The following UNC80 variants were observed in gnomAD, a reference collection of about 807,000 sequenced individuals.
UNC80 encodes the protein protein unc-80 homolog.
In UNC80, 164 loss-of-function variants were observed where a neutral mutation model predicts 384.6. The ratio of observed to expected loss-of-function variants is 0.43; its 90% CI spans 0.38 to 0.49. The LOEUF (loss-of-function observed/expected upper bound fraction) is 0.49, where lower values mean the gene tolerates loss of function less well. Among genes scored for constraint, UNC80 ranks in the 20% least tolerant of loss-of-function variants. The pLI is 0.00. For synonymous variants in UNC80, 1,486 were observed against 1,527.8 expected, an observed-to-expected ratio of 0.97 and a Z score of 0.64; for missense variants, 3,330 against 4,143.0, an observed-to-expected ratio of 0.80 and a Z score of 5.39.
rs554283552 is a variant in UNC80, at chr2:209,968,871, A to G, written c.8007-897A>G. On this transcript the variant is annotated intron_variant, in intron 52 of 64. Transcript: ENST00000673920. ...AGGCAATTTTCTCGGGAGATAGGCT[A>G]TGAATATGGAGTTGGCTTGGATTTA... 7.2e-5 allele frequency: 11 copies of G among 152,222 alleles called. No individual in the cohort carries two copies. The East Asian group carries it at 1.7e-3, about 24-fold the overall frequency. 9.4% of individuals were successfully genotyped at this position (152,222 alleles called of 1,614,324 possible).
At chr2:209,807,403 C>T (rs1441236065) in intron 7 of UNC80, among the ~76,000 whole-genome samples, 3 of 136,304 alleles carry the variant, frequency 2.2e-5, no homozygotes, top group East Asian at 2.2e-4. Context: ...CTTGCTGTGT[C>T]GCCCAGGCTG....
At chr2:209,780,283 G>T (rs2077084893) in intron 4 of UNC80, among the ~76,000 whole-genome samples, 1 of 152,032 alleles carries the variant, frequency 6.6e-6, no homozygotes, top group African/African-American at 2.4e-5. Flanking sequence ...ACTACACAGT[G>T]ATTGATATAA....
At chr2:209,930,454 C>T (rs2090767086) in intron 37 of UNC80, among the ~76,000 whole-genome samples, 1 of 152,118 alleles carries the variant, frequency 6.6e-6, no homozygotes, top group African/African-American at 2.4e-5. Flanking sequence ...GTCATATTCA[C>T]TGGAAGGTTA....
chr2:209,919,212 A>T (rs1488845627), intron 33 of UNC80, among the ~76,000 whole-genome samples: 1 of 152,186 alleles, frequency 6.6e-6, no homozygotes, highest in Non-Finnish European at 1.5e-5. Flanking sequence ...AAACAAGAAT[A>T]TGCACCTTTT....
At chr2:209,857,146 T>C (rs1031593581) in intron 22 of UNC80, among the ~76,000 whole-genome samples, 1 of 152,132 alleles carries the variant, frequency 6.6e-6, no homozygotes, top group Non-Finnish European at 1.5e-5. Flanking sequence ...TCTGTATTAA[T>C]AGTTAGAACT....
intron 16 of UNC80, among the ~76,000 whole-genome samples, 173 bp downstream of exon 16, chr2:209,831,764 T>G (rs1410703848): frequency 1.3e-5 from 2 of 152,202 alleles, no homozygotes; most frequent in Non-Finnish European, 2.9e-5. Flanking sequence ...TTAACAACAC[T>G]TTTCTTCTCC....
At chr2:209,979,674 C>A (rs1236728134) in intron 59 of UNC80, among the ~76,000 whole-genome samples, 2 of 152,164 alleles carry the variant, frequency 1.3e-5, no homozygotes, top group African/African-American at 2.4e-5. Flanking sequence ...GTGAAAGATT[C>A]CATTAAAATG....
chr2:209,949,498 A>G (rs550205430), intron 47 of UNC80, among the ~76,000 whole-genome samples: 152 of 148,756 alleles, frequency 1.0e-3, no homozygotes, highest in Non-Finnish European at 1.7e-3. Flanking sequence ...TATTTTTGAG[A>G]CAGAGTCTTG....
At chr2:209,818,817 G>A (rs2079931689) in intron 11 of UNC80, among the ~76,000 whole-genome samples, 176 bp from the exon 12 acceptor site, 1 of 152,094 alleles carries the variant, frequency 6.6e-6, no homozygotes, top group East Asian at 1.9e-4. Context: ...CACATCATAT[G>A]GCCTTAGTAG....
chr2:209,951,234 A>C (rs1290034902), intron 47 of UNC80, among the ~76,000 whole-genome samples: 1 of 152,120 alleles, frequency 6.6e-6, no homozygotes, highest in Non-Finnish European at 1.5e-5. Flanking sequence ...CTGACTTATC[A>C]TATCTGTTGA....
chr2:209,885,258 GTA>G (rs1464113317), intron 25 of UNC80, among the ~76,000 whole-genome samples: 2 of 152,044 alleles, frequency 1.3e-5, no homozygotes, highest in Non-Finnish European at 2.9e-5. Flanking sequence ...TAACTATACT[GTA>G]ACAGGAGAAC....
intron 62 of UNC80, among the ~76,000 whole-genome samples, chr2:209,992,542 C>A (rs886449043): frequency 6.6e-6 from 1 of 152,060 alleles, no homozygotes. Flanking sequence ...AACTTTAAAA[C>A]GTGGTAAGTA....
chr2:209,976,011 T>C lies in UNC80; in HGVS notation c.8588-108T>C. ...AAGTTTTTAGAAACATGGAGAGAGC[T>C]TAGAAATTTAGAAAATTTCTAAAGG... On this transcript the variant is annotated intron_variant, in intron 56 of 64. Transcript: ENST00000673920. The surrounding 1 kb of genome is among the most constrained non-coding windows in gnomAD (Gnocchi z 4.3). 8.0e-7 allele frequency: 1 copy of C among 1,243,598 alleles called. No individual in the cohort carries two copies. Among genetic ancestry groups the C allele is most frequent in the Non-Finnish European group, 1.1e-6 (1 of 922,940 alleles). The allele number at this position is 1,243,598 out of a possible 1,614,324, so 77.0% of individuals were successfully genotyped here.
intron 29 of UNC80, among the ~76,000 whole-genome samples, chr2:209,908,561 G>A (rs1446756088): frequency 1.3e-5 from 2 of 152,250 alleles, no homozygotes; most frequent in East Asian, 3.9e-4. Flanking sequence ...ATTTAAAAAA[G>A]GAGCAGATTA....
chr2:209,942,182 G>A (rs879277150), intron 44 of UNC80, among the ~76,000 whole-genome samples: 3 of 152,136 alleles, frequency 2.0e-5, no homozygotes, highest in Non-Finnish European at 4.4e-5. Flanking sequence ...CCATGCTCCT[G>A]AATCTAATGC....
chr2:209,951,587 G>A (rs989844603), intron 47 of UNC80: 7 of 152,384 alleles, frequency 4.6e-5, no homozygotes, highest in African/African-American at 9.6e-5. Flanking sequence ...GTGAGCCGCC[G>A]TGCCCTGCCC....
chr2:209,926,785 G>GTAGCAACA, intron 35 of UNC80, 58 bp from the exon 36 acceptor site: 2 of 1,540,182 alleles, frequency 1.3e-6, no homozygotes, highest in Non-Finnish European at 1.8e-6. Context: ...CAAAACAACA[G>GTAGCAACA]TAGCAACAAA....
rs141567506 is a variant in UNC80 at position 209,901,693 on chromosome 2, G to A, written c.4582-3072G>A. ...TGTAATCCCAGCACTTTGGGAGGCC[G>A]AGACAGGCGGATCACGAGGTCAGGA... On this transcript the variant is annotated intron_variant, in intron 28 of 64. Coordinates refer to ENST00000673920, the MANE Select transcript of UNC80 (RefSeq NM_001371986.1). Among the ~76,000 whole-genome samples, 853 of 152,218 alleles carry A rather than the reference G, an allele frequency of 5.6e-3. 10 individuals carry two copies. Among genetic ancestry groups the A allele is most frequent in the African/African-American group, 0.019 (777 of 41,548 alleles).
intron 47 of UNC80, among the ~76,000 whole-genome samples, chr2:209,947,704 G>A (rs1305046984): frequency 6.6e-6 from 1 of 152,014 alleles, no homozygotes; most frequent in Non-Finnish European, 1.5e-5. Flanking sequence ...GTAACAGCAA[G>A]TCTCTGTTGT....
Sources: allele counts gnomAD v4.1 joint callset (sites outside exome capture counted in the v4.1 genomes callset), GRCh38; gene constraint gnomAD v4.1.1; non-coding constraint Gnocchi (gnomAD v3.1); transcripts MANE v1.5; gene names NCBI Gene and HGNC (gene_info 2026-07-23, HGNC 2026-07-21).